The following CEP63 variants were observed in gnomAD, a reference collection of about 807,000 sequenced individuals.
CEP63 encodes centrosomal protein of 63 kDa.
In CEP63, 84 loss-of-function variants were observed where a neutral mutation model predicts 89.1. The observed-to-expected ratio is 0.94, with a 90% CI of 0.79 to 1.13. The LOEUF is 1.13. Ranked by LOEUF, CEP63 falls within the 50% of genes most tolerant of loss-of-function variation. The pLI is 0.00. For missense variants in CEP63, 838 were observed against 813.3 expected, an observed-to-expected ratio of 1.03 and a Z score of -0.37; for synonymous variants, 267 against 272.5, an observed-to-expected ratio of 0.98 and a Z score of 0.20.
chr3:134,651,767 G>A, the CEP63 span: 2 of 294,034 alleles, frequency 6.8e-6, no homozygotes, highest in African/African-American at 4.5e-5. Flanking sequence ...GAGGGGGAGA[G>A]GAGGAGGCTG....
At chr3:134,627,937 C>T in the CEP63 span, 7 of 768,706 alleles carry the variant, frequency 9.1e-6, no homozygotes, top group South Asian at 1.1e-4. Context: ...CTCCTTTTCA[C>T]AGTCTCCTTG....
chr3:134,522,612 T>C (rs1256874164), intron 3 of CEP63, among the ~76,000 whole-genome samples: 1 of 152,162 alleles, frequency 6.6e-6, no homozygotes, highest in African/African-American at 2.4e-5. Flanking sequence ...TTCCTGATTC[T>C]CTCCCTTTAC....
chr3:134,554,668 C>G (rs200627768), intron 12 of CEP63, among the ~76,000 whole-genome samples: 1 of 149,584 alleles, frequency 6.7e-6, no homozygotes, highest in African/African-American at 2.5e-5. Context: ...CACTGACTTC[C>G]ACAATGGTTG....
chr3:134,671,847 G>A, the CEP63 span, among the ~76,000 whole-genome samples: 63 of 152,228 alleles, frequency 4.1e-4, 1 homozygote, highest in African/African-American at 1.4e-3. Context: ...AGTTGGTGGC[G>A]ATGTCCACCA....
chr3:134,609,529 T>C, the CEP63 span, among the ~76,000 whole-genome samples: 2 of 152,128 alleles, frequency 1.3e-5, no homozygotes, highest in Non-Finnish European at 2.9e-5. Flanking sequence ...CACACTCATG[T>C]TTCTGAATAA....
At chr3:134,592,698 A>G (rs7651420), downstream of CEP63, among the ~76,000 whole-genome samples, 149,624 of 152,252 alleles carry the variant, frequency 0.98, 73,554 homozygotes, top group Non-Finnish European at 1. Context: ...GGGGAGTTAA[A>G]TAACATCAGG....
intron 12 of CEP63, among the ~76,000 whole-genome samples, chr3:134,557,390 T>G (rs1281684825): frequency 3.1e-4 from 46 of 146,672 alleles, no homozygotes; most frequent in African/African-American, 1.0e-3. Flanking sequence ...TTTTTTTTTT[T>G]TTTTTTTTTT....
chr3:134,542,662 A>G (rs1475108874), intron 6 of CEP63, among the ~76,000 whole-genome samples: 1 of 152,224 alleles, frequency 6.6e-6, no homozygotes, highest in Non-Finnish European at 1.5e-5. Flanking sequence ...TTGAAGCACC[A>G]GGAAGTAGCT....
chr3:134,542,889 A>G (rs1218751970), intron 6 of CEP63, among the ~76,000 whole-genome samples: 3 of 151,946 alleles, frequency 2.0e-5, no homozygotes, highest in Admixed American at 1.3e-4. Flanking sequence ...GCTAAATGTT[A>G]GATTAATAAG....
At chr3:134,518,920 AAG>A (rs1946812810) in intron 3 of CEP63, among the ~76,000 whole-genome samples, 5 of 152,214 alleles carry the variant, frequency 3.3e-5, no homozygotes, top group South Asian at 4.1e-4. Context: ...ATTAAGAAAA[AAG>A]GGGGGAAAAT....
chr3:134,512,512 A>T (rs976323922), intron 3 of CEP63, among the ~76,000 whole-genome samples: 1 of 152,192 alleles, frequency 6.6e-6, no homozygotes, highest in African/African-American at 2.4e-5. Context: ...CTTTATATTT[A>T]TACTTGTCAC....
the CEP63 span, among the ~76,000 whole-genome samples, chr3:134,715,850 C>T: frequency 2.0e-5 from 3 of 152,244 alleles, no homozygotes; most frequent in East Asian, 5.8e-4. Flanking sequence ...CTAGATACAA[C>T]CCCACAAATT....
chr3:134,605,222 A>G, the CEP63 span, among the ~76,000 whole-genome samples: 1 of 152,108 alleles, frequency 6.6e-6, no homozygotes, highest in Non-Finnish European at 1.5e-5. Context: ...GTAGCCCATG[A>G]GGACCCACCT....
chr3:134,513,131 G>A (rs1945382406), intron 3 of CEP63, among the ~76,000 whole-genome samples: 1 of 152,136 alleles, frequency 6.6e-6, no homozygotes. Flanking sequence ...TGCTTTCAAG[G>A]ATAGGTGTAT....
chr3:134,611,530 G>A, the CEP63 span, among the ~76,000 whole-genome samples: 6 of 152,338 alleles, frequency 3.9e-5, no homozygotes, highest in Admixed American at 3.9e-4. Context: ...ATTAGAAAAG[G>A]TTCCCCTTCC....
At chr3:134,604,163 G>T in the CEP63 span, 1 of 1,609,204 alleles carries the variant, frequency 6.2e-7, no homozygotes. Flanking sequence ...GGGTCAGGGT[G>T]GGAGGGCTTC....
chr3:134,504,003 G>A (rs72972107), intron 2 of CEP63, among the ~76,000 whole-genome samples: 1 of 152,130 alleles, frequency 6.6e-6, no homozygotes, highest in Admixed American at 6.5e-5. Flanking sequence ...GTTATAGATA[G>A]GTGAGGACTT....
At chr3:134,570,527 C>T (rs993536447) in intron 11 of CEP63, among the ~76,000 whole-genome samples, 4 of 152,200 alleles carry the variant, frequency 2.6e-5, no homozygotes, top group Non-Finnish European at 5.9e-5. Flanking sequence ...TTCCTCATCT[C>T]CATCTGAAAC....
intron 3 of CEP63, among the ~76,000 whole-genome samples, chr3:134,524,360 A>G (rs760113439): frequency 6.6e-6 from 1 of 152,152 alleles, no homozygotes; most frequent in Non-Finnish European, 1.5e-5. Context: ...CTCTCTTCCT[A>G]TTTGGATGCC....
Sources: allele counts gnomAD v4.1 joint callset (sites outside exome capture counted in the v4.1 genomes callset), GRCh38; gene constraint gnomAD v4.1.1; transcripts MANE v1.5; gene names NCBI Gene and HGNC (gene_info 2026-07-23, HGNC 2026-07-21).